The following EYS variants were observed in gnomAD, a reference collection of about 807,000 sequenced individuals.
EYS encodes protein eyes shut homolog.
A neutral mutation model predicts 282.1 loss-of-function variants in EYS; 250 were observed. The observed-to-expected ratio is 0.89, with a 90% CI of 0.80 to 0.98. EYS has a LOEUF of 0.98. EYS is among the 50% of genes least tolerant of loss of function. The pLI is 0.00. For synonymous variants in EYS, 1,355 were observed against 1,282.9 expected (o/e 1.06, Z -1.20); for missense variants, 4,016 against 3,709.0 (o/e 1.08, Z -2.15).
At chr6:64,217,303 C>T (rs1483958795) in intron 31 of EYS, among the ~76,000 whole-genome samples, 2 of 151,920 alleles carry the variant, frequency 1.3e-5, no homozygotes, top group African/African-American at 4.8e-5. Context: ...CCAAGACAGG[C>T]GGATCACCTG....
At chr6:65,319,324 G>A (rs1420094864) in intron 11 of EYS, among the ~76,000 whole-genome samples, 6 of 151,014 alleles carry the variant, frequency 4.0e-5, no homozygotes, top group Non-Finnish European at 8.8e-5. Flanking sequence ...AGGTTGTGGT[G>A]AGCCAAGATC....
At chr6:65,678,711 T>A (rs993053552) in intron 1 of EYS, among the ~76,000 whole-genome samples, 5 of 148,006 alleles carry the variant, frequency 3.4e-5, no homozygotes, top group Admixed American at 2.7e-4. Flanking sequence ...ATATGTCTAA[T>A]AAACAAACAG....
chr6:64,392,192 C>T (rs1182594059), intron 28 of EYS, among the ~76,000 whole-genome samples: 1 of 150,222 alleles, frequency 6.7e-6, no homozygotes, highest in Non-Finnish European at 1.5e-5. Context: ...CTTTAACACC[C>T]CACTGTCAAC....
chr6:65,230,697 G>A (rs1450051214), intron 12 of EYS, among the ~76,000 whole-genome samples: 2 of 151,552 alleles, frequency 1.3e-5, no homozygotes, highest in East Asian at 3.9e-4. Context: ...GAGTTACAAC[G>A]TTGACAATTA....
At chr6:64,735,667 T>C (rs1772163209) in intron 22 of EYS, among the ~76,000 whole-genome samples, 1 of 152,184 alleles carries the variant, frequency 6.6e-6, no homozygotes, top group Non-Finnish European at 1.5e-5. Context: ...GAAACCTTAA[T>C]GGTATTAGGG....
intron 12 of EYS, among the ~76,000 whole-genome samples, chr6:65,139,572 C>T (rs1764272885): frequency 6.6e-6 from 1 of 152,052 alleles, no homozygotes; most frequent in Admixed American, 6.6e-5. Context: ...GCCCACGTAG[C>T]CCTGAACCTA....
intron 14 of EYS, among the ~76,000 whole-genome samples, chr6:64,976,507 G>T (rs1335118035): frequency 6.6e-6 from 1 of 151,818 alleles, no homozygotes; most frequent in Non-Finnish European, 1.5e-5. Flanking sequence ...AATCATAGGT[G>T]GCCATCCTTC....
At chr6:65,640,755 A>G (rs1275109744) in intron 1 of EYS, among the ~76,000 whole-genome samples, 1 of 151,950 alleles carries the variant, frequency 6.6e-6, no homozygotes, top group Non-Finnish European at 1.5e-5. Flanking sequence ...GGTGTATTTG[A>G]TGAGGTACAG....
intron 37 of EYS, among the ~76,000 whole-genome samples, chr6:63,800,905 G>A (rs1770768448): frequency 6.6e-6 from 1 of 152,238 alleles, no homozygotes; most frequent in Non-Finnish European, 1.5e-5. Context: ...TGCCTATGAA[G>A]CATGGGTGGC....
chr6:64,324,676 G>A (rs938445502), intron 29 of EYS, among the ~76,000 whole-genome samples: 3 of 152,088 alleles, frequency 2.0e-5, no homozygotes, highest in African/African-American at 4.8e-5. Flanking sequence ...TAAGTCAAAC[G>A]ATCTTTCTTC....
intron 2 of EYS, among the ~76,000 whole-genome samples, chr6:65,637,556 G>A (rs150024091): frequency 2.7e-4 from 41 of 152,260 alleles, no homozygotes; most frequent in African/African-American, 8.7e-4. Flanking sequence ...CAGCTGTGGC[G>A]CTGGACTCTA....
intron 30 of EYS, among the ~76,000 whole-genome samples, chr6:64,256,734 A>G (rs1284075796): frequency 6.6e-6 from 1 of 152,042 alleles, no homozygotes; most frequent in Non-Finnish European, 1.5e-5. Flanking sequence ...GTCATTATGT[A>G]CTACCAGCTA....
chr6:65,317,831 T>C (rs1392863681), intron 11 of EYS, among the ~76,000 whole-genome samples: 11 of 46,752 alleles, frequency 2.4e-4, no homozygotes, highest in African/African-American at 4.1e-4. Context: ...CCTTCCTTTC[T>C]TTCTTTCTTT....
intron 35 of EYS, among the ~76,000 whole-genome samples, chr6:63,974,475 G>C (rs1766737958): frequency 6.6e-6 from 1 of 152,034 alleles, no homozygotes; most frequent in African/African-American, 2.4e-5. Flanking sequence ...ATAGTTTTCA[G>C]ATGGGATTTA....
At chr6:65,460,261 C>G (rs948731176) in intron 5 of EYS, among the ~76,000 whole-genome samples, 2 of 150,842 alleles carry the variant, frequency 1.3e-5, no homozygotes, top group Non-Finnish European at 3.0e-5. Context: ...AATAAATCCA[C>G]AAAGTAAGAA....
At chr6:65,591,894 A>T (rs1265223772) in intron 2 of EYS, among the ~76,000 whole-genome samples, 1 of 152,024 alleles carries the variant, frequency 6.6e-6, no homozygotes, top group Non-Finnish European at 1.5e-5. Flanking sequence ...ATTAAGCCAT[A>T]TGCTACCTAA....
chr6:64,194,210 C>T (rs1055559885), intron 31 of EYS, among the ~76,000 whole-genome samples: 1 of 152,110 alleles, frequency 6.6e-6, no homozygotes, highest in Non-Finnish European at 1.5e-5. Flanking sequence ...CCTGGAAGAA[C>T]ACACCCCCAC....
At chr6:65,684,698 T>C (rs1183381608) in intron 1 of EYS, among the ~76,000 whole-genome samples, 2 of 151,990 alleles carry the variant, frequency 1.3e-5, no homozygotes, top group Non-Finnish European at 2.9e-5. Flanking sequence ...GTGTCCTTTT[T>C]TTTCCACCTT....
At chr6:64,555,244 C>A (rs1383873178) in intron 26 of EYS, among the ~76,000 whole-genome samples, 1 of 151,290 alleles carries the variant, frequency 6.6e-6, no homozygotes. Flanking sequence ...CTGGAGGACA[C>A]TATGTTAAGT....
Sources: allele counts gnomAD v4.1 joint callset (sites outside exome capture counted in the v4.1 genomes callset), GRCh38; gene constraint gnomAD v4.1.1; transcripts MANE v1.5; gene names NCBI Gene and HGNC (gene_info 2026-07-23, HGNC 2026-07-21).